EPHA8: variants seen among roughly 807,000 people sequenced by gnomAD.
EPHA8 encodes the protein ephrin type-A receptor 8.
Under a neutral mutation model 103.6 loss-of-function variants are expected in EPHA8, and 58 were observed. The ratio of observed to expected loss-of-function variants is 0.56; its 90% CI spans 0.45 to 0.70. The LOEUF is 0.70. Ranked by LOEUF, EPHA8 falls within the 30% of genes least tolerant of loss-of-function variation. The pLI, the probability that EPHA8 is intolerant of heterozygous loss-of-function variation, is 0.00. For synonymous variants in EPHA8, 559 were observed against 572.5 expected (o/e 0.98, Z 0.34); for missense variants, 1,304 against 1,395.2 (o/e 0.93, Z 1.04).
At chr1:22,593,816 TACC>T (rs1641444362) in intron 7 of EPHA8, 130 bp downstream of exon 7, 1 of 1,145,880 alleles carries the variant, frequency 8.7e-7, no homozygotes, top group African/African-American at 1.6e-5. Context: ...CTCCTTGCCC[TACC>T]AAGTGGGGTT....
Position 22,570,144 on chromosome 1 carries a change from T to C in EPHA8, c.159+791T>C, listed in dbSNP as rs537996581. Among the ~76,000 whole-genome samples the C allele has an allele frequency of 2.6e-5, 4 of 152,290 alleles. No homozygotes were observed. The South Asian group carries it at 8.3e-4, about 32-fold the overall frequency. ...GCACAGGGTGAGCCCTCGATGAACATAGGCTTTTATAATGATCATTAACAT... is the reference window on the plus strand; with the variant it reads ...GCACAGGGTGAGCCCTCGATGAACACAGGCTTTTATAATGATCATTAACAT... On this transcript the variant is annotated intron_variant, in intron 2 of 16. Transcript: ENST00000166244.
At position 22,597,900 on chromosome 1, in the gene EPHA8, C is replaced by G. The variant is rs1360272864; in HGVS notation, c.2116+39C>G. On this transcript the variant is annotated intron_variant, in intron 11 of 16. Transcript: ENST00000166244. The surrounding 1 kb of genome is among the most constrained non-coding windows in gnomAD (Gnocchi z 4.6). ...AAAGACAGCCTCCCCCTGCAGTGCC[C>G]CTCCTGCCTGGAGAGGCCTCTGGGT... The G allele has an allele frequency of 1.3e-6, 2 of 1,583,272 alleles. No homozygotes were observed. Among genetic ancestry groups the G allele is most frequent in the South Asian group, 2.3e-5 (2 of 86,110 alleles).
chr1:22,602,090 G>A lies in EPHA8; in HGVS notation c.*349G>A. The A allele has an allele frequency of 2.4e-6, 1 of 413,534 alleles. No individual in the cohort carries two copies. The highest frequency in any genetic ancestry group is 2.9e-5 in the South Asian group (1 of 34,280). The allele number at this position is 413,534 out of a possible 1,614,324, so 25.6% of individuals were successfully genotyped here. A position where few individuals can be genotyped will look rare whatever the true frequency, so the allele number is the denominator to read the frequency against. On this transcript the variant is annotated 3_prime_UTR_variant, in exon 17 of 17. Coordinates refer to ENST00000166244, the MANE Select transcript of EPHA8 (RefSeq NM_020526.5). ...GTGGGGGGTGTTCTCACAAGGTCAT[G>A]GGATCTCATGTGAACAGTGTGTGAT...
chr1:22,576,230 A>G lies in EPHA8; in HGVS notation c.173A>G (p.Asn58Ser), dbSNP rs771547728. The G allele has an allele frequency of 1.2e-6, 2 of 1,608,862 alleles. No individual in the cohort carries two copies. Among genetic ancestry groups the G allele is most frequent in the Non-Finnish European group, 1.7e-6 (2 of 1,176,782 alleles). ...TYPAHGWDSI[N>S]EVDESFQPIH... ...CTCTGCCCACAGTGGGACTCCATCA[A>G]CGAGGTGGACGAGTCCTTCCAGCCC... The change falls in exon 3 of 17, where the codon AAC becomes AGC. Residue 58 changes from asparagine to serine, a missense_variant. Coordinates refer to ENST00000166244, the MANE Select transcript of EPHA8 (RefSeq NM_020526.5). The surrounding 1 kb of genome is among the most constrained non-coding windows in gnomAD (Gnocchi z 4.8).
At chr1:22,581,934 A>G (rs1167479396) in intron 3 of EPHA8, among the ~76,000 whole-genome samples, 2 of 152,198 alleles carry the variant, frequency 1.3e-5, no homozygotes, top group Admixed American at 1.3e-4. Flanking sequence ...GAAGGTCAGC[A>G]CGGGTCTCAA....
chr1:22,564,129 AG>A (rs973921110), intron 1 of EPHA8, among the ~76,000 whole-genome samples: 51 of 88,514 alleles, frequency 5.8e-4, no homozygotes, highest in African/African-American at 2.3e-3. Context: ...GACAGAGGAC[AG>A]GGGGGTAGGC....
In EPHA8 at chr1:22,593,700, G is replaced by A. The variant is rs779014940; in HGVS notation, c.1603+14G>A. 1.3e-6 allele frequency: 2 copies of A among 1,570,158 alleles called. No individual in the cohort carries two copies. Among genetic ancestry groups the A allele is most frequent in the Non-Finnish European group, 8.6e-7 (1 of 1,157,326 alleles). Reference sequence around the variant, plus strand: ...CCGGGAAACCCCGTGAGTGCAGGGAGGGGGCGTGGGCGCGGAGCAGCCCAG... The same window carrying A: ...CCGGGAAACCCCGTGAGTGCAGGGAAGGGGCGTGGGCGCGGAGCAGCCCAG... On this transcript the variant is annotated intron_variant, in intron 7 of 16. Transcript: ENST00000166244.
chr1:22,577,481 G>A (rs1269221204), intron 3 of EPHA8, among the ~76,000 whole-genome samples: 3 of 152,140 alleles, frequency 2.0e-5, no homozygotes, highest in Non-Finnish European at 2.9e-5. Context: ...CCGGGGCCCT[G>A]GGTGAATGAG....
chr1:22,581,487 G>T (rs1205375141), intron 3 of EPHA8, among the ~76,000 whole-genome samples: 2 of 152,230 alleles, frequency 1.3e-5, no homozygotes, highest in Admixed American at 6.5e-5. Context: ...GGAGGTCTCA[G>T]GTAACGCTGC....
At chr1:22,585,851 G>A (rs1641187963) in intron 3 of EPHA8, among the ~76,000 whole-genome samples, 1 of 152,212 alleles carries the variant, frequency 6.6e-6, no homozygotes, top group Non-Finnish European at 1.5e-5. Flanking sequence ...ACAGACCCCA[G>A]GTACCGGCCC....
intron 4 of EPHA8, 87 bp downstream of exon 4, chr1:22,586,722 G>A: frequency 1.3e-6 from 2 of 1,528,086 alleles, no homozygotes; most frequent in Non-Finnish European, 8.9e-7. Flanking sequence ...CAGAGAGCCA[G>A]TTCTCTGCTG....
rs1641596564 is a variant in EPHA8 at position 22,598,874 on chromosome 1, G to A, written c.2215G>A (p.Gly739Ser). 1 of 1,612,882 alleles carries A rather than the reference G, an allele frequency of 6.2e-7. No homozygotes were observed. The highest frequency in any genetic ancestry group is 1.7e-5 in the Admixed American group (1 of 59,990). Residue 739 changes from glycine (G) to serine (S), a missense_variant, in exon 13 of 17, where the codon GGC (glycine) becomes AGC (serine). Transcript: ENST00000166244. This position sits in a 1 kb window ranked among gnomAD's most constrained non-coding sequence, Gnocchi z 5.1. The stretch of plus-strand genomic sequence containing the variant: ...GCAGTTCACCATCATGCAGCTGGTG[G>A]GCATGCTGAGAGGAGTGGGTGCCGG... ...DGQFTIMQLV[G>S]MLRGVGAGMR...
intron 13 of EPHA8, among the ~76,000 whole-genome samples, 153 bp from the exon 14 acceptor site, chr1:22,600,508 C>T (rs935173191): frequency 2.0e-5 from 3 of 152,044 alleles, no homozygotes; most frequent in Non-Finnish European, 4.4e-5. Flanking sequence ...CTTGTGAGGC[C>T]TCCCTCAGGA....
At chr1:22,570,284 G>T (rs368884504) in intron 2 of EPHA8, among the ~76,000 whole-genome samples, 2 of 151,536 alleles carry the variant, frequency 1.3e-5, no homozygotes, top group East Asian at 3.9e-4. Context: ...ACATGCACGC[G>T]CGTACACACA....
In EPHA8 at chr1:22,589,232, G is replaced by T; in HGVS notation, c.1315+26G>T. 6.2e-7 allele frequency: 1 copy of T among 1,614,030 alleles called. No individual in the cohort carries two copies. Among genetic ancestry groups the T allele is most frequent in the Non-Finnish European group, 8.5e-7 (1 of 1,180,026 alleles). On this transcript the variant is annotated intron_variant, in intron 5 of 16. Transcript: ENST00000166244. This position sits in a 1 kb window ranked among gnomAD's most constrained non-coding sequence, Gnocchi z 4.3. ...GTAGGCGGAGAAACTCCGTCCCGCA[G>T]CGTCCTGGTCCCCCAGCTTCCCCTG...
At chr1:22,577,021 C>G in intron 3 of EPHA8, 141 bp downstream of exon 3, 1 of 1,025,418 alleles carries the variant, frequency 9.8e-7, no homozygotes, top group Non-Finnish European at 1.4e-6. Context: ...GATAAACCTC[C>G]AGTGTTCCTA....
At position 22,600,985 on chromosome 1, in the gene EPHA8, C is replaced by A; in HGVS notation, c.2626C>A (p.His876Asn). 6.2e-7 allele frequency: 1 copy of A among 1,613,048 alleles called. No homozygotes were observed. The highest frequency in any genetic ancestry group is 8.5e-7 in the Non-Finnish European group (1 of 1,179,870). The change falls in exon 15 of 17, where the codon CAC (histidine) becomes AAC (asparagine). Residue 876 changes from histidine (H) to asparagine (N), a missense_variant. His to Asn is a moderately conservative substitution (Grantham distance 68). Coordinates refer to ENST00000166244, the MANE Select transcript of EPHA8 (RefSeq NM_020526.5). ...ALHQLMLDCW[H>N]KDRAQRPRFS... is the part of the protein sequence containing the mutation. ...GCACCAGCTCATGCTCGACTGTTGG[C>A]ACAAGGACCGGGCGCAGCGGCCTCG...
intron 3 of EPHA8, among the ~76,000 whole-genome samples, chr1:22,578,861 G>A (rs1261668585): frequency 6.8e-6 from 1 of 147,366 alleles, no homozygotes; most frequent in Non-Finnish European, 1.5e-5. Context: ...ATGCATGTGT[G>A]TATATGCACG....
intron 3 of EPHA8, among the ~76,000 whole-genome samples, chr1:22,584,634 A>C (rs1641138262): frequency 6.6e-6 from 1 of 152,170 alleles, no homozygotes; most frequent in Non-Finnish European, 1.5e-5. Flanking sequence ...TTTCCAGAAC[A>C]GGATTTAGTG....
Sources: allele counts gnomAD v4.1 joint callset (sites outside exome capture counted in the v4.1 genomes callset), GRCh38; gene constraint gnomAD v4.1.1; non-coding constraint Gnocchi (gnomAD v3.1); transcripts MANE v1.5; gene names NCBI Gene and HGNC (gene_info 2026-07-23, HGNC 2026-07-21).